Variants in BNC2 observed in about 807,000 individuals in gnomAD.
BNC2 encodes the protein basonuclin zinc finger protein 2.
BNC2 carries 20 observed loss-of-function variants against 76.3 expected under a neutral mutation model. The ratio of observed to expected loss-of-function variants is 0.26; its 90% confidence interval spans 0.18 to 0.38. BNC2 has a LOEUF of 0.38. BNC2 is among the 10% of genes least tolerant of loss of function. The probability of loss-of-function intolerance (pLI) is 1.00; values close to 1 mark genes in which losing one functional copy is unlikely to be tolerated. For missense variants in BNC2, 1,382 were observed against 1,399.8 expected (o/e 0.99, Z 0.20); for synonymous variants, 582 against 514.8 (o/e 1.13, Z -1.77).
intron 3 of BNC2, among the ~76,000 whole-genome samples, chr9:16,658,983 C>T (rs144532434): frequency 1.1e-4 from 17 of 152,300 alleles, no homozygotes; most frequent in South Asian, 4.1e-4. Context: ...CATTGATCAT[C>T]GCAACTGTCT....
chr9:16,452,920 T>A (rs73415454), intron 5 of BNC2, among the ~76,000 whole-genome samples: 17 of 152,282 alleles, frequency 1.1e-4, no homozygotes, highest in African/African-American at 3.1e-4. Context: ...GGCCTACAGA[T>A]CAATGTAATC....
chr9:16,530,956 C>T (rs1051457754), intron 5 of BNC2, among the ~76,000 whole-genome samples: 1 of 152,000 alleles, frequency 6.6e-6, no homozygotes, highest in African/African-American at 2.4e-5. Context: ...AGCAATGAGC[C>T]GGGAGGGGGC....
At chr9:16,619,257 C>T (rs1021009797) in intron 3 of BNC2, among the ~76,000 whole-genome samples, 3 of 151,676 alleles carry the variant, frequency 2.0e-5, no homozygotes, top group Admixed American at 6.6e-5. Flanking sequence ...CTCAAGAATA[C>T]GAAAGAAGGG....
At chr9:16,693,845 A>G (rs1823256016) in intron 3 of BNC2, among the ~76,000 whole-genome samples, 1 of 152,222 alleles carries the variant, frequency 6.6e-6, no homozygotes, top group Non-Finnish European at 1.5e-5. Context: ...GAAAGAAATT[A>G]TGTGGGGACA....
chr9:16,833,778 G>A (rs1818637636), intron 1 of BNC2, among the ~76,000 whole-genome samples: 1 of 152,132 alleles, frequency 6.6e-6, no homozygotes, highest in Non-Finnish European at 1.5e-5. Context: ...CTCAAACCCT[G>A]CTTAAAACCT....
intron 1 of BNC2, 37 bp downstream of exon 1, chr9:16,870,609 C>A: frequency 6.2e-7 from 1 of 1,608,710 alleles, no homozygotes; most frequent in Non-Finnish European, 8.5e-7. Context: ...CTGAGGAAGT[C>A]TAGAATAAAA....
At chr9:16,474,073 A>G (rs1393571277) in intron 5 of BNC2, among the ~76,000 whole-genome samples, 3 of 152,202 alleles carry the variant, frequency 2.0e-5, no homozygotes, top group African/African-American at 7.2e-5. Context: ...ATAAACAAAG[A>G]CACCCAATCT....
chr9:16,583,118 T>A, intron 3 of BNC2, 33 bp from the exon 4 acceptor site: 1 of 1,551,988 alleles, frequency 6.4e-7, no homozygotes, highest in Non-Finnish European at 8.9e-7. Context: ...AAGGTCAGCA[T>A]CTGTTCAAAG....
chr9:16,727,447 T>C (rs1031204855), intron 3 of BNC2: 2 of 249,662 alleles, frequency 8.0e-6, no homozygotes, highest in East Asian at 1.0e-4. Context: ...GTGATTCATA[T>C]TGATAGATAC....
At chr9:16,638,810 G>A (rs754225526) in intron 3 of BNC2, among the ~76,000 whole-genome samples, 1 of 152,024 alleles carries the variant, frequency 6.6e-6, no homozygotes, top group Non-Finnish European at 1.5e-5. Flanking sequence ...GAGTAAAATT[G>A]AGTCTCTTTC....
At chr9:16,859,538 T>C (rs1373070681) in intron 1 of BNC2, among the ~76,000 whole-genome samples, 2 of 152,238 alleles carry the variant, frequency 1.3e-5, no homozygotes, top group African/African-American at 4.8e-5. Context: ...AATTCTGTTG[T>C]ATGCTACAAC....
chr9:16,777,023 G>A (rs1034540124), intron 1 of BNC2, among the ~76,000 whole-genome samples: 1 of 152,128 alleles, frequency 6.6e-6, no homozygotes, highest in African/African-American at 2.4e-5. Flanking sequence ...CTACTCAGTA[G>A]GTTGAGGCAA....
intron 1 of BNC2, among the ~76,000 whole-genome samples, chr9:16,760,991 C>T (rs759729363): frequency 3.9e-5 from 6 of 152,048 alleles, no homozygotes; most frequent in Non-Finnish European, 5.9e-5. Context: ...ACCTGTAATC[C>T]CAGCTCTTTG....
chr9:16,838,482 A>C (rs1269932897), intron 1 of BNC2, among the ~76,000 whole-genome samples: 1 of 151,694 alleles, frequency 6.6e-6, no homozygotes, highest in Non-Finnish European at 1.5e-5. Context: ...AATCGCTTGA[A>C]CCCCAGAAGC....
At chr9:16,421,443 A>G (rs1820708233) in intron 6 of BNC2, 1 of 404,324 alleles carries the variant, frequency 2.5e-6, no homozygotes, top group African/African-American at 2.1e-5. Flanking sequence ...TTCTGATCAC[A>G]AAATTATTTT....
intron 3 of BNC2, among the ~76,000 whole-genome samples, chr9:16,612,813 G>C (rs1215778174): frequency 6.6e-6 from 1 of 152,156 alleles, no homozygotes; most frequent in Non-Finnish European, 1.5e-5. Context: ...AAGTGGTTTG[G>C]AAGATGGATA....
chr9:16,633,224 C>G (rs1821217475), intron 3 of BNC2, among the ~76,000 whole-genome samples: 1 of 152,176 alleles, frequency 6.6e-6, no homozygotes, highest in African/African-American at 2.4e-5. Context: ...AGAAAAAACT[C>G]TCTATTTACT....
intron 5 of BNC2, among the ~76,000 whole-genome samples, chr9:16,548,348 A>G (rs1350278972): frequency 6.6e-5 from 10 of 152,204 alleles, no homozygotes; most frequent in African/African-American, 2.4e-4. Context: ...TTCATGGTCA[A>G]TAAATGTATC....
chr9:16,601,672 T>A (rs1820247967), intron 3 of BNC2, among the ~76,000 whole-genome samples: 1 of 144,830 alleles, frequency 6.9e-6, no homozygotes, highest in Admixed American at 7.1e-5. Flanking sequence ...TCTGGGTACC[T>A]AAATGGCTAT....
Sources: allele counts gnomAD v4.1 joint callset (sites outside exome capture counted in the v4.1 genomes callset), GRCh38; gene constraint gnomAD v4.1.1; transcripts MANE v1.5; gene names NCBI Gene and HGNC (gene_info 2026-07-23, HGNC 2026-07-21).